GPR89B: variants seen among roughly 807,000 people sequenced by gnomAD.
GPR89B encodes the protein G protein-coupled receptor 89B.
GPR89B carries 25 observed loss-of-function variants against 52.4 expected under a neutral mutation model. The ratio of observed to expected loss-of-function variants is 0.48; its 90% CI spans 0.35 to 0.67. GPR89B has a LOEUF of 0.67. Ranked by LOEUF, GPR89B falls within the 30% of genes least tolerant of loss-of-function variation. GPR89B has a pLI of 0.01. For synonymous variants in GPR89B, 52 were observed against 151.2 expected, an observed-to-expected ratio of 0.34 and a Z score of 4.81; for missense variants, 146 against 450.2, an observed-to-expected ratio of 0.32 and a Z score of 6.11.
At chr1:147,975,882 C>G (rs1657794517) in intron 10 of GPR89B, among the ~76,000 whole-genome samples, 1 of 152,032 alleles carries the variant, frequency 6.6e-6, no homozygotes, top group African/African-American at 2.4e-5. Flanking sequence ...TATCAAATAA[C>G]TTCTTGATTT....
intron 3 of GPR89B, among the ~76,000 whole-genome samples, chr1:147,940,690 G>A (rs1203370317): frequency 6.6e-6 from 1 of 152,102 alleles, no homozygotes; most frequent in East Asian, 1.9e-4. Context: ...ATAAACAAAC[G>A]AGCATGGCCA....
At chr1:147,989,765 C>CT (rs1658924032) in intron 12 of GPR89B, among the ~76,000 whole-genome samples, 2 of 152,094 alleles carry the variant, frequency 1.3e-5, no homozygotes, top group African/African-American at 4.8e-5. Flanking sequence ...ATGAACTCAT[C>CT]TTTTTTTATG....
At chr1:148,016,529 T>C in the GPR89B span, among the ~76,000 whole-genome samples, 5 of 138,952 alleles carry the variant, frequency 3.6e-5, no homozygotes, top group African/African-American at 1.4e-4. Flanking sequence ...GTGGTTTTCT[T>C]CATGTTTCTT....
the GPR89B span, among the ~76,000 whole-genome samples, chr1:148,021,094 T>G: frequency 6.6e-6 from 1 of 152,036 alleles, no homozygotes; most frequent in East Asian, 1.9e-4. Flanking sequence ...GGCGCGACTT[T>G]TATCGTCTCT....
At chr1:147,989,830 A>G (rs1658930254) in intron 12 of GPR89B, among the ~76,000 whole-genome samples, 3 of 152,146 alleles carry the variant, frequency 2.0e-5, no homozygotes. Flanking sequence ...CCAGTCTATC[A>G]TTGATGGACA....
chr1:147,965,787 G>T (rs1166117387), intron 7 of GPR89B, among the ~76,000 whole-genome samples: 1 of 151,908 alleles, frequency 6.6e-6, no homozygotes, highest in Non-Finnish European at 1.5e-5. Context: ...CATGTATTGC[G>T]TTCCAAACTC....
chr1:147,987,245 G>A (rs1658734059), intron 11 of GPR89B, among the ~76,000 whole-genome samples: 1 of 152,168 alleles, frequency 6.6e-6, no homozygotes, highest in Non-Finnish European at 1.5e-5. Context: ...TACAGGCCAC[G>A]CAGTACTGTG....
At chr1:147,987,873 T>TATA (rs1449379669) in intron 11 of GPR89B, among the ~76,000 whole-genome samples, 6 of 150,964 alleles carry the variant, frequency 4.0e-5, no homozygotes, top group African/African-American at 1.5e-4. Context: ...AGAATGTCTA[T>TATA]ATATTCTTTT....
the GPR89B span, among the ~76,000 whole-genome samples, chr1:148,002,036 TGC>T: frequency 1.4e-5 from 2 of 140,718 alleles, no homozygotes; most frequent in East Asian, 2.3e-4. Flanking sequence ...CACCAGATGC[TGC>T]TTTTTTTTTT....
At chr1:147,969,735 T>C (rs1657282215) in intron 9 of GPR89B, 132 bp from the exon 10 acceptor site, 1 of 1,316,778 alleles carries the variant, frequency 7.6e-7, no homozygotes. Flanking sequence ...ACTACTGTTA[T>C]TAGTTTAATA....
rs1309348240 is a variant in GPR89B at position 147,985,556 on chromosome 1, G to A, written c.910-643G>A. Among the ~76,000 whole-genome samples the A allele has an allele frequency of 5.3e-5, 8 of 151,910 alleles. No individual in the cohort carries two copies. The East Asian group carries it at 1.3e-3, about 26-fold the overall frequency. On this transcript the variant is annotated intron_variant, in intron 10 of 13. Transcript: ENST00000314163. ...TCCATTCATTTGTGTATTGTCTGTG[G>A]CTGCTGTCACACTCCAGTGGCAGAG...
intron 8 of GPR89B, chr1:147,968,460 A>G: frequency 2.3e-6 from 1 of 437,512 alleles, no homozygotes. Flanking sequence ...CTATATTAGA[A>G]CACAGTAAAG....
At chr1:147,979,881 G>A (rs1366623548) in intron 10 of GPR89B, among the ~76,000 whole-genome samples, 1 of 151,810 alleles carries the variant, frequency 6.6e-6, no homozygotes, top group African/African-American at 2.4e-5. Context: ...TTGAGGCCAG[G>A]AATTCGAGAC....
In GPR89B at chr1:147,979,904, C is replaced by G. The variant is rs1422639634; in HGVS notation, c.910-6295C>G. Reference sequence around the variant, plus strand: ...AGGAATTCGAGACCAGCCTGGGCAGCATAGCAAGACCCCATCTCAGCAAAA... The same window carrying G: ...AGGAATTCGAGACCAGCCTGGGCAGGATAGCAAGACCCCATCTCAGCAAAA... On this transcript the variant is annotated intron_variant, in intron 10 of 13. Coordinates refer to ENST00000314163, the MANE Select transcript of GPR89B (RefSeq NM_016334.5). Among the ~76,000 whole-genome samples, 4 of 151,780 alleles carry G rather than the reference C, an allele frequency of 2.6e-5. No individual in the cohort carries two copies. The East Asian group carries it at 5.8e-4, about 22-fold the overall frequency.
At chr1:147,970,482 TGA>T (rs1280045288) in intron 10 of GPR89B, among the ~76,000 whole-genome samples, 4 of 113,706 alleles carry the variant, frequency 3.5e-5, no homozygotes, top group African/African-American at 9.0e-5. Flanking sequence ...GGGGAGAGGG[TGA>T]GACTCCATCT....
At chr1:147,966,189 A>G (rs1188967207) in intron 7 of GPR89B, among the ~76,000 whole-genome samples, 1 of 151,958 alleles carries the variant, frequency 6.6e-6, no homozygotes, top group African/African-American at 2.4e-5. Flanking sequence ...TGGTAACTGT[A>G]GTAATTAAAC....
chr1:147,937,223 C>T (rs1400295988), intron 2 of GPR89B, among the ~76,000 whole-genome samples: 3 of 151,142 alleles, frequency 2.0e-5, no homozygotes, highest in South Asian at 2.1e-4. Flanking sequence ...ATGGTGACTC[C>T]GAGCCACAAA....
At chr1:147,944,794 T>G (rs1654820229) in intron 5 of GPR89B, among the ~76,000 whole-genome samples, 1 of 141,968 alleles carries the variant, frequency 7.0e-6, no homozygotes, top group South Asian at 2.3e-4. Context: ...TTCAGAAGTA[T>G]GTATGAATCT....
intron 5 of GPR89B, among the ~76,000 whole-genome samples, chr1:147,947,389 CT>C (rs1187929659): frequency 6.9e-6 from 1 of 144,924 alleles, no homozygotes; most frequent in Non-Finnish European, 1.5e-5. Flanking sequence ...AAAAAAAAAT[CT>C]GTAAAAGTAC....
Sources: allele counts gnomAD v4.1 joint callset (sites outside exome capture counted in the v4.1 genomes callset), GRCh38; gene constraint gnomAD v4.1.1; transcripts MANE v1.5; gene names NCBI Gene and HGNC (gene_info 2026-07-23, HGNC 2026-07-21).